Variants in DLGAP2 observed in about 807,000 individuals in gnomAD.
DLGAP2 encodes the protein disks large-associated protein 2.
DLGAP2 carries 26 observed loss-of-function variants against 100.3 expected under a neutral mutation model. The ratio of observed to expected loss-of-function variants is 0.26; its 90% CI spans 0.19 to 0.36. The LOEUF (loss-of-function observed/expected upper bound fraction) is 0.36, where lower values mean the gene tolerates loss of function less well. DLGAP2 is among the 10% of genes least tolerant of loss of function. The pLI is 1.00. For synonymous variants in DLGAP2, 886 were observed against 630.1 expected (o/e 1.41, Z -6.08); for missense variants, 1,858 against 1,453.2 (o/e 1.28, Z -4.53).
intron 3 of DLGAP2, among the ~76,000 whole-genome samples, chr8:1,437,537 A>G (rs1470663547): frequency 6.6e-6 from 1 of 152,218 alleles, no homozygotes; most frequent in African/African-American, 2.4e-5. Context: ...ACCTTAGTTC[A>G]CGTGGATGGA....
At chr8:1,612,480 G>T (rs965407814) in intron 6 of DLGAP2, among the ~76,000 whole-genome samples, 1 of 144,052 alleles carries the variant, frequency 6.9e-6, no homozygotes, top group African/African-American at 2.6e-5. Flanking sequence ...CATAGGCATG[G>T]GCAAGGACTT....
chr8:1,674,656 A>G (rs1798767963), intron 10 of DLGAP2, among the ~76,000 whole-genome samples: 1 of 152,250 alleles, frequency 6.6e-6, no homozygotes, highest in African/African-American at 2.4e-5. Flanking sequence ...CCAAAATTAT[A>G]AAGTGCAAAT....
At chr8:1,240,117 TAC>T (rs780052003) in intron 2 of DLGAP2, among the ~76,000 whole-genome samples, 8 of 147,834 alleles carry the variant, frequency 5.4e-5, no homozygotes, top group East Asian at 2.1e-4. Flanking sequence ...CATGTCTAGT[TAC>T]CTCTCACATG....
intron 2 of DLGAP2, among the ~76,000 whole-genome samples, chr8:1,176,788 T>G (rs1034030938): frequency 2.6e-5 from 4 of 152,162 alleles, no homozygotes; most frequent in Admixed American, 2.6e-4. Flanking sequence ...GAAAGAGGTC[T>G]CGGTTGGAGG....
At chr8:1,203,890 C>T (rs1797935135) in intron 2 of DLGAP2, among the ~76,000 whole-genome samples, 1 of 151,494 alleles carries the variant, frequency 6.6e-6, no homozygotes, top group Non-Finnish European at 1.5e-5. Flanking sequence ...TAGGAAGTGC[C>T]TGTATCAGGA....
At chr8:1,557,612 G>C (rs1169824494) in intron 5 of DLGAP2, among the ~76,000 whole-genome samples, 1 of 152,082 alleles carries the variant, frequency 6.6e-6, no homozygotes, top group African/African-American at 2.4e-5. Flanking sequence ...GCCATGACGG[G>C]CATACACACC....
intron 8 of DLGAP2, among the ~76,000 whole-genome samples, chr8:1,638,993 C>T (rs888162034): frequency 2.6e-5 from 4 of 152,156 alleles, no homozygotes; most frequent in East Asian, 1.9e-4. Flanking sequence ...ACCGGGGAGC[C>T]GGGATGGATT....
At chr8:1,578,126 CAA>C (rs1442105638) in intron 6 of DLGAP2, among the ~76,000 whole-genome samples, 1 of 152,118 alleles carries the variant, frequency 6.6e-6, no homozygotes, top group Non-Finnish European at 1.5e-5. Flanking sequence ...CTTTTTTGCA[CAA>C]AAGAGCTTCC....
chr8:1,281,739 A>G (rs35628529), intron 3 of DLGAP2, among the ~76,000 whole-genome samples: 140,106 of 152,280 alleles, frequency 0.92, 64,595 homozygotes, highest in East Asian at 0.99. Flanking sequence ...TAGCTCCTTG[A>G]AAGCCTTCCC....
chr8:818,735 A>T (rs888752032), intron 1 of DLGAP2, among the ~76,000 whole-genome samples: 92 of 152,364 alleles, frequency 6.0e-4, no homozygotes, highest in African/African-American at 2.0e-3. Context: ...TATAAAGAAA[A>T]TAAAGAGAAA....
At chr8:858,636 T>C (rs1585940589) in intron 1 of DLGAP2, among the ~76,000 whole-genome samples, 1 of 150,324 alleles carries the variant, frequency 6.7e-6, no homozygotes, top group Middle Eastern at 3.2e-3. Context: ...TGGGCACGTG[T>C]GTGATGCTGT....
intron 8 of DLGAP2, among the ~76,000 whole-genome samples, chr8:1,641,684 G>A (rs972650206): frequency 1.3e-5 from 2 of 152,116 alleles, no homozygotes; most frequent in African/African-American, 2.4e-5. Context: ...CCACATTGTT[G>A]TCCTAAGAGT....
intron 4 of DLGAP2, among the ~76,000 whole-genome samples, chr8:1,543,545 A>G (rs1801432794): frequency 6.6e-6 from 1 of 152,214 alleles, no homozygotes; most frequent in Non-Finnish European, 1.5e-5. Context: ...CCATGTGTGC[A>G]TCCTTGTGTG....
chr8:806,077 A>G (rs1046208661), intron 1 of DLGAP2, among the ~76,000 whole-genome samples: 1 of 152,206 alleles, frequency 6.6e-6, no homozygotes. Flanking sequence ...TGGAAACCAC[A>G]TGGAAAATTG....
chr8:1,008,015 A>C (rs1801171714), intron 2 of DLGAP2, among the ~76,000 whole-genome samples: 2 of 152,290 alleles, frequency 1.3e-5, no homozygotes, highest in South Asian at 4.1e-4. Context: ...CAGGGCCCTG[A>C]ATGTGCACCT....
intron 2 of DLGAP2, among the ~76,000 whole-genome samples, chr8:1,073,029 T>G (rs1184000479): frequency 1.3e-5 from 2 of 152,248 alleles, no homozygotes; most frequent in African/African-American, 4.8e-5. Flanking sequence ...TTTGTACCTC[T>G]GATCTTATGT....
At chr8:1,172,833 C>T (rs1403227548) in intron 2 of DLGAP2, among the ~76,000 whole-genome samples, 1 of 152,172 alleles carries the variant, frequency 6.6e-6, no homozygotes, top group Admixed American at 6.5e-5. Flanking sequence ...GTTTGAATTT[C>T]CTCCTGTAGC....
intron 2 of DLGAP2, among the ~76,000 whole-genome samples, chr8:1,205,293 G>T (rs1797965924): frequency 1.3e-5 from 2 of 152,220 alleles, no homozygotes; most frequent in African/African-American, 4.8e-5. Flanking sequence ...AACCAGGAGG[G>T]GTCGGGGATA....
intron 3 of DLGAP2, among the ~76,000 whole-genome samples, chr8:1,496,928 G>C (rs927569214): frequency 1.3e-5 from 2 of 152,102 alleles, no homozygotes; most frequent in Non-Finnish European, 2.9e-5. Context: ...GATGGTTTAC[G>C]GGGTCTCCAG....
Sources: gnomAD v4.1 joint callset for allele counts (sites outside exome capture counted in the v4.1 genomes callset) on GRCh38, gnomAD v4.1.1 for gene constraint, MANE v1.5 for transcripts, NCBI Gene and HGNC (gene_info 2026-07-23, HGNC 2026-07-21) for gene names.